TMEM232: variants seen among roughly 807,000 people sequenced by gnomAD.
TMEM232 encodes the protein transmembrane protein 232.
A neutral mutation model predicts 78.8 loss-of-function variants in TMEM232; 80 were observed. That is an observed-to-expected ratio of 1.01 (90% CI 0.85 to 1.22). The LOEUF is 1.22. TMEM232 is among the 50% of genes most tolerant of loss of function. The pLI, the probability that TMEM232 is intolerant of heterozygous loss-of-function variation, is 0.00. For missense variants in TMEM232, 881 were observed against 742.2 expected (o/e 1.19, Z -2.17); for synonymous variants, 297 against 254.3 (o/e 1.17, Z -1.60).
chr5:110,424,973 G>T, intron 12 of TMEM232, 57 bp from the exon 13 acceptor site: 2 of 1,199,948 alleles, frequency 1.7e-6, no homozygotes, highest in Non-Finnish European at 2.3e-6. Flanking sequence ...CTATTCCCCA[G>T]AAATAGAATT....
upstream of TMEM232, among the ~76,000 whole-genome samples, chr5:110,730,790 C>T (rs1051987498): frequency 2.0e-5 from 3 of 152,102 alleles, no homozygotes; most frequent in Non-Finnish European, 2.9e-5. Flanking sequence ...AGATATAATT[C>T]AAGTTAAGAT....
At position 110,561,375 on chromosome 5, in the gene TMEM232, G is replaced by A. The variant is rs529740968; in HGVS notation, c.1455+7072C>T. Among the ~76,000 whole-genome samples the A allele has an allele frequency of 6.0e-5, 9 of 150,878 alleles. No individual in the cohort carries two copies. The East Asian group carries it at 1.4e-3, about 23-fold the overall frequency. On this transcript the variant is annotated intron_variant, in intron 11 of 13. Transcript: ENST00000455884. ...TCATCTGTAAAATCAAGACCATAAT[G>A]TGTGTGTGTGTGTATATGTGTGGGT...
chr5:110,609,236 C>T (rs1054376482), intron 8 of TMEM232, among the ~76,000 whole-genome samples: 3 of 151,764 alleles, frequency 2.0e-5, no homozygotes, highest in African/African-American at 4.8e-5. Flanking sequence ...CACATGATCC[C>T]GAAAACAGAA....
At chr5:110,617,381 A>AT (rs1783064066) in intron 8 of TMEM232, among the ~76,000 whole-genome samples, 1 of 140,858 alleles carries the variant, frequency 7.1e-6, no homozygotes, top group Non-Finnish European at 1.5e-5. Flanking sequence ...CTATGGTAAA[A>AT]AAAATATATT....
At chr5:110,479,639 AACTT>A (rs1180081664) in intron 12 of TMEM232, among the ~76,000 whole-genome samples, 2 of 151,848 alleles carry the variant, frequency 1.3e-5, no homozygotes, top group African/African-American at 2.4e-5. Flanking sequence ...AATTTACCAC[AACTT>A]ACTTATTTTA....
At chr5:110,608,776 A>G (rs1038371896) in intron 8 of TMEM232, among the ~76,000 whole-genome samples, 1 of 152,176 alleles carries the variant, frequency 6.6e-6, no homozygotes, top group African/African-American at 2.4e-5. Flanking sequence ...GTAAAATTGA[A>G]AATCAATGCA....
intron 12 of TMEM232, among the ~76,000 whole-genome samples, chr5:110,448,143 A>C (rs1457343960): frequency 6.6e-6 from 1 of 152,090 alleles, no homozygotes; most frequent in African/African-American, 2.4e-5. Context: ...ATATTAGTTT[A>C]TGTATATAAA....
At chr5:110,523,993 G>A (rs1769983775) in intron 12 of TMEM232, among the ~76,000 whole-genome samples, 1 of 144,558 alleles carries the variant, frequency 6.9e-6, no homozygotes, top group Non-Finnish European at 1.5e-5. Context: ...GGCTGGGCCT[G>A]GTGGCTCACG....
At chr5:110,439,116 A>C (rs1758752464) in intron 12 of TMEM232, among the ~76,000 whole-genome samples, 1 of 152,118 alleles carries the variant, frequency 6.6e-6, no homozygotes, top group African/African-American at 2.4e-5. Flanking sequence ...TTTAACCCTC[A>C]TTAGCTTGCC....
intron 8 of TMEM232, among the ~76,000 whole-genome samples, chr5:110,616,162 A>C (rs991642277): frequency 6.6e-6 from 1 of 152,046 alleles, no homozygotes; most frequent in African/African-American, 2.4e-5. Context: ...GCAAAACTGG[A>C]TTTTAAAGTG....
At chr5:110,669,221 A>G (rs907684269) in intron 1 of TMEM232, among the ~76,000 whole-genome samples, 1 of 152,230 alleles carries the variant, frequency 6.6e-6, no homozygotes, top group African/African-American at 2.4e-5. Flanking sequence ...AACAAAATTG[A>G]TATGCCACTA....
At chr5:110,506,628 G>C (rs1442694938) in intron 12 of TMEM232, among the ~76,000 whole-genome samples, 2 of 152,028 alleles carry the variant, frequency 1.3e-5, no homozygotes, top group Non-Finnish European at 2.9e-5. Flanking sequence ...CATTCATGCT[G>C]TAACATATAG....
chr5:110,644,578 T>C (rs779103307), intron 2 of TMEM232, among the ~76,000 whole-genome samples: 1 of 151,800 alleles, frequency 6.6e-6, no homozygotes, highest in East Asian at 1.9e-4. Flanking sequence ...CCAACCTATA[T>C]ACACACTTTA....
intron 12 of TMEM232, among the ~76,000 whole-genome samples, chr5:110,433,666 A>G (rs904909599): frequency 6.6e-6 from 1 of 152,082 alleles, no homozygotes; most frequent in Non-Finnish European, 1.5e-5. Context: ...TAGTTTGTTG[A>G]GAGATTTTTC....
chr5:110,724,032 A>T (rs892055740), intron 1 of TMEM232, among the ~76,000 whole-genome samples: 2 of 152,218 alleles, frequency 1.3e-5, no homozygotes, highest in Non-Finnish European at 1.5e-5. Flanking sequence ...AAGTTGTTGG[A>T]GACGAGTTTC....
intron 12 of TMEM232, among the ~76,000 whole-genome samples, chr5:110,468,932 A>G (rs1762379487): frequency 6.6e-6 from 1 of 152,218 alleles, no homozygotes; most frequent in Non-Finnish European, 1.5e-5. Context: ...AGAAACATAG[A>G]GAACAAAAGA....
intron 12 of TMEM232, among the ~76,000 whole-genome samples, chr5:110,463,388 A>G (rs924315019): frequency 6.6e-6 from 1 of 152,196 alleles, no homozygotes; most frequent in African/African-American, 2.4e-5. Flanking sequence ...TATAGTTTAA[A>G]CATAACTTTT....
chr5:110,570,367 G>A (rs746375527), intron 10 of TMEM232, among the ~76,000 whole-genome samples: 1 of 151,920 alleles, frequency 6.6e-6, no homozygotes, highest in Admixed American at 6.6e-5. Context: ...TTTTCTTTGT[G>A]AATAGTCTTG....
intron 1 of TMEM232, among the ~76,000 whole-genome samples, chr5:110,722,680 T>C (rs1797765599): frequency 6.6e-6 from 1 of 152,132 alleles, no homozygotes; most frequent in Non-Finnish European, 1.5e-5. Context: ...CACCACATTT[T>C]ATTGGTCATA....
Sources: allele counts gnomAD v4.1 joint callset (sites outside exome capture counted in the v4.1 genomes callset), GRCh38; gene constraint gnomAD v4.1.1; transcripts MANE v1.5; gene names NCBI Gene and HGNC (gene_info 2026-07-23, HGNC 2026-07-21).